PLD1: variants seen among roughly 807,000 people sequenced by gnomAD.
PLD1 encodes the protein phospholipase D1.
A neutral mutation model predicts 137.1 loss-of-function variants in PLD1; 112 were observed. The ratio of observed to expected loss-of-function variants is 0.82; its 90% CI spans 0.70 to 0.96. PLD1 has a LOEUF of 0.96. PLD1 is among the 40% of genes least tolerant of loss of function. PLD1 has a pLI of 0.00. For missense variants in PLD1, 1,321 were observed against 1,342.0 expected (o/e 0.98, Z 0.24); for synonymous variants, 431 against 454.7 (o/e 0.95, Z 0.66).
At position 171,759,746 on chromosome 3, in the gene PLD1, T is replaced by G. The variant is rs1445774661; in HGVS notation, c.-31-21664A>C. Among the ~76,000 whole-genome samples, 11 of 152,274 alleles carry G rather than the reference T, an allele frequency of 7.2e-5. No homozygotes were observed. In the East Asian group the frequency reaches 7.7e-4, roughly 11 times the overall value. On this transcript the variant is annotated intron_variant, in intron 1 of 26. Coordinates refer to ENST00000351298, the MANE Select transcript of PLD1 (RefSeq NM_002662.5). ...CATAATCAAATCTATTGCTAATTGT[T>G]TAGTTAATATTTACTTATTCAAACA...
chr3:171,691,598 C>A (rs1011731333), intron 13 of PLD1, among the ~76,000 whole-genome samples: 39 of 152,286 alleles, frequency 2.6e-4, no homozygotes, highest in African/African-American at 9.1e-4. Context: ...AACAGCTCTT[C>A]CCTCACAGTT....
intron 14 of PLD1, among the ~76,000 whole-genome samples, chr3:171,688,102 T>A (rs947897489): frequency 6.6e-5 from 10 of 152,020 alleles, no homozygotes; most frequent in South Asian, 4.2e-4. Flanking sequence ...ACACTTTTTT[T>A]AATAAGTGTA....
intron 12 of PLD1, among the ~76,000 whole-genome samples, chr3:171,695,750 C>A (rs1014093154): frequency 6.8e-6 from 1 of 148,064 alleles, no homozygotes; most frequent in African/African-American, 2.5e-5. Context: ...CCCACCCCCC[C>A]AACCCAGGAT....
intron 6 of PLD1, among the ~76,000 whole-genome samples, chr3:171,727,788 A>G (rs936706468): frequency 6.6e-6 from 1 of 152,158 alleles, no homozygotes; most frequent in East Asian, 1.9e-4. Context: ...TTTCCATGTA[A>G]GTTTTATATG....
At chr3:171,783,936 T>C (rs1030440114) in intron 1 of PLD1, among the ~76,000 whole-genome samples, 11 of 152,158 alleles carry the variant, frequency 7.2e-5, no homozygotes, top group Non-Finnish European at 1.5e-4. Flanking sequence ...TGTGAGCCAC[T>C]GCGCCCAGCC....
chr3:171,642,327 C>T lies in PLD1; in HGVS notation c.2593+513G>A, dbSNP rs573367191. On this transcript the variant is annotated intron_variant, in intron 23 of 26. Transcript: ENST00000351298. ...AAAAAATTAGTTGGGCATGGTGGCG[C>T]ACACCTGTAATCCCAGCTACTCGGG... Among the ~76,000 whole-genome samples, 1,461 of 151,630 alleles carry T rather than the reference C, an allele frequency of 9.6e-3. 11 individuals are homozygous for T. Among genetic ancestry groups the T allele is most frequent in the Non-Finnish European group, 0.017 (1,129 of 67,888 alleles).
intron 1 of PLD1, among the ~76,000 whole-genome samples, chr3:171,762,071 CATTTT>C (rs1721437056): frequency 6.6e-6 from 1 of 152,186 alleles, no homozygotes; most frequent in African/African-American, 2.4e-5. Flanking sequence ...ATGTTACAAT[CATTTT>C]ATTTACATTT....
At position 171,605,221 on chromosome 3, in the gene PLD1, A is replaced by G. The variant is rs541509310; in HGVS notation, c.3000+78T>C. The G allele has an allele frequency of 5.8e-6, 5 of 863,444 alleles. No homozygotes were observed. In the African/African-American group the frequency reaches 6.6e-5, roughly 11 times the overall value. 53.5% of individuals were successfully genotyped at this position (863,444 alleles called of 1,614,324 possible). On this transcript the variant is annotated intron_variant, in intron 26 of 26. Coordinates refer to ENST00000351298, the MANE Select transcript of PLD1 (RefSeq NM_002662.5). ...TTATTAAGAATACCCTGTACCAATA[A>G]TATGCAGAAATAACAATATGCTTTT...
At position 171,644,988 on chromosome 3, in the gene PLD1, G is replaced by A; in HGVS notation, c.2465C>T (p.Pro822Leu). The A allele has an allele frequency of 6.2e-7, 1 of 1,613,692 alleles. No homozygotes were observed. The highest frequency in any genetic ancestry group is 8.5e-7 in the Non-Finnish European group (1 of 1,179,662). Residue 822 changes from proline to leucine, a missense_variant, in exon 22 of 27, where the codon CCA (proline) becomes CTA (leucine). Transcript: ENST00000351298. ...NQKYRVYVVIPLLPGFEGDIS... is the reference protein window; with the variant it reads ...NQKYRVYVVILLLPGFEGDIS... ...GTCTCCTTCGAACCCTGGCAGAAGTGGTATCACGACATATACCCGGTATTT... is the reference window on the plus strand; with the variant it reads ...GTCTCCTTCGAACCCTGGCAGAAGTAGTATCACGACATATACCCGGTATTT...
chr3:171,618,016 T>C (rs1310690049), intron 24 of PLD1, among the ~76,000 whole-genome samples: 1 of 152,062 alleles, frequency 6.6e-6, no homozygotes, highest in Non-Finnish European at 1.5e-5. Flanking sequence ...ACAGTAACAA[T>C]AAACCTGCTT....
chr3:171,695,493 G>A (rs1715600697), intron 12 of PLD1, among the ~76,000 whole-genome samples: 1 of 152,160 alleles, frequency 6.6e-6, no homozygotes, highest in South Asian at 2.1e-4. Flanking sequence ...AAAGATGAAA[G>A]TTCTGTCCTC....
intron 13 of PLD1, among the ~76,000 whole-genome samples, chr3:171,691,956 G>A (rs1715202372): frequency 6.6e-6 from 1 of 152,082 alleles, no homozygotes; most frequent in Non-Finnish European, 1.5e-5. Flanking sequence ...AATCCTAGAG[G>A]AGATCTCTTT....
intron 1 of PLD1, among the ~76,000 whole-genome samples, chr3:171,800,903 A>G (rs1401609117): frequency 6.6e-6 from 1 of 152,196 alleles, no homozygotes; most frequent in Non-Finnish European, 1.5e-5. Context: ...CAGAGCCACC[A>G]TGGCCTAATC....
Position 171,620,738 on chromosome 3 carries a change from CTCTCTATATATATA to C in PLD1, c.2594-232_2594-219del, listed in dbSNP as rs1305598386. On this transcript the variant is annotated intron_variant, in intron 23 of 26. Transcript: ENST00000351298. ...TGGCTTTCTCTCTCTCTCTCTCTCT[CTCTCTATATATATA>C]TATATATATATATATATTATATATA... Among the ~76,000 whole-genome samples, 6 of 77,076 alleles carry C rather than the reference CTCTCTATATATATA, an allele frequency of 7.8e-5. No individual in the cohort carries two copies. The South Asian group carries it at 2.0e-3, about 25-fold the overall frequency. The allele number at this position is 77,076 out of a possible 152,430, so 50.6% of individuals were successfully genotyped here. A position where few individuals can be genotyped will look rare whatever the true frequency, so the allele number is the denominator to read the frequency against.
At chr3:171,690,484 G>A (rs1192139014) in intron 13 of PLD1, among the ~76,000 whole-genome samples, 1 of 151,808 alleles carries the variant, frequency 6.6e-6, no homozygotes. Context: ...TGCAAGTATA[G>A]CTGTAAATTT....
chr3:171,683,985 G>A (rs984737115), intron 16 of PLD1, among the ~76,000 whole-genome samples: 12 of 152,126 alleles, frequency 7.9e-5, no homozygotes, highest in African/African-American at 2.9e-4. Flanking sequence ...TGACGTTTAG[G>A]TTGTTCTCTC....
intron 1 of PLD1, among the ~76,000 whole-genome samples, chr3:171,755,620 A>G (rs1361114837): frequency 6.6e-6 from 1 of 152,170 alleles, no homozygotes; most frequent in African/African-American, 2.4e-5. Flanking sequence ...CATCCACTCT[A>G]ATGGTTAAAA....
At chr3:171,695,496 C>A (rs923488383) in intron 12 of PLD1, among the ~76,000 whole-genome samples, 1 of 152,148 alleles carries the variant, frequency 6.6e-6, no homozygotes, top group African/African-American at 2.4e-5. Context: ...GATGAAAGTT[C>A]TGTCCTCTTT....
chr3:171,727,800 G>T (rs892561402), intron 6 of PLD1, among the ~76,000 whole-genome samples: 1 of 152,098 alleles, frequency 6.6e-6, no homozygotes, highest in East Asian at 1.9e-4. Flanking sequence ...TTTTATATGT[G>T]ATTGGACATA....
Sources: allele counts gnomAD v4.1 joint callset (sites outside exome capture counted in the v4.1 genomes callset), GRCh38; gene constraint gnomAD v4.1.1; transcripts MANE v1.5; gene names NCBI Gene and HGNC (gene_info 2026-07-23, HGNC 2026-07-21).